The following ABHD11 variants were observed in gnomAD, a reference collection of about 807,000 sequenced individuals.
ABHD11 encodes the protein sn-1-specific diacylglycerol lipase ABHD11.
ABHD11 carries 26 observed loss-of-function variants against 29.0 expected under a neutral mutation model. That is an observed-to-expected ratio of 0.90 (90% confidence interval 0.66 to 1.24). The LOEUF (loss-of-function observed/expected upper bound fraction) is 1.24, where lower values mean the gene tolerates loss of function less well. ABHD11 is among the 50% of genes most tolerant of loss of function. ABHD11 has a pLI of 0.00. For synonymous variants in ABHD11, 169 were observed against 166.4 expected (o/e 1.02, Z -0.12); for missense variants, 381 against 422.4 (o/e 0.90, Z 0.86).
intron 1 of ABHD11, 53 bp from the exon 2 acceptor site, chr7:73,738,516 G>A (rs1361335519): frequency 1.3e-6 from 2 of 1,584,072 alleles, no homozygotes; most frequent in South Asian, 2.3e-5. Context: ...ACGGGGAAAG[G>A]GGTAGGGGGA....
At chr7:73,737,524 T>C in intron 3 of ABHD11, 38 bp downstream of exon 3, 1 of 1,573,864 alleles carries the variant, frequency 6.4e-7, no homozygotes, top group South Asian at 1.2e-5. Context: ...TCAGGGTATA[T>C]ACTGAATGGG....
chr7:73,738,431 C>A lies in ABHD11; in HGVS notation c.158G>T (p.Gly53Val). The change falls in exon 2 of 6, where the codon GGG (glycine) becomes GTG (valine). Residue 53 changes from glycine (G) to valine (V), a missense_variant. Gly to Val is a moderately radical substitution (Grantham distance 109, BLOSUM62 -3). Transcript: ENST00000222800. ...PLPLSYRLLD[G>V]EAALPAVVFL... The stretch of plus-strand genomic sequence containing the variant: ...GACGACGGCCGGGAGGGCTGCCTCC[C>A]CGTCCAGAAGCCTGTAGGAAAGCGG... The A allele has an allele frequency of 6.2e-7, 1 of 1,610,972 alleles. No homozygotes were observed. The highest frequency in any genetic ancestry group is 8.5e-7 in the Non-Finnish European group (1 of 1,178,716).
At position 73,737,093 on chromosome 7, in the gene ABHD11, C is replaced by T. The variant is rs782284150; in HGVS notation, c.624G>A (p.Gln208=). 1 of 1,613,994 alleles carries T rather than the reference C, an allele frequency of 6.2e-7. No individual in the cohort carries two copies. Residue 208 remains glutamine, a synonymous_variant, in exon 5 of 6, where the codon CAG becomes CAA. Coordinates refer to ENST00000222800, the MANE Select transcript of ABHD11 (RefSeq NM_148912.4). ...SSVIQDMAVR[Q]HLLTNLVEVD... ...CCTCTACCAGGTTAGTGAGCAGGTG[C>T]TGCCGCACGGCCATGTCCTGTGGGG...
Position 73,738,344 on chromosome 7 carries a change from T to TG in ABHD11, c.244dup (p.Gln82ProfsTer6). The TG allele has an allele frequency of 6.8e-7, 1 of 1,467,024 alleles. No homozygotes were observed. 90.9% of individuals were successfully genotyped at this position (1,467,024 alleles called of 1,614,324 possible). A position where few individuals can be genotyped will look rare whatever the true frequency, so the allele number is the denominator to read the frequency against. ...AAAGCTCACCCTACGGCCTGTCTGC[T>TG]GGGCCAAGATCTTGGCGATGGAGTT... On this transcript the variant is annotated frameshift_variant, in exon 2 of 6. Coordinates refer to ENST00000222800, the MANE Select transcript of ABHD11 (RefSeq NM_148912.4). LOFTEE classifies it high-confidence loss of function.
intron 2 of ABHD11, 52 bp from the exon 3 acceptor site, chr7:73,737,787 G>C: frequency 6.4e-7 from 1 of 1,572,594 alleles, no homozygotes; most frequent in Non-Finnish European, 8.6e-7. Context: ...TCTGGGGGTA[G>C]ACAGCCAAAG....
intron 2 of ABHD11, 48 bp downstream of exon 2, chr7:73,738,280 C>A: frequency 7.0e-7 from 1 of 1,438,080 alleles, no homozygotes; most frequent in South Asian, 1.2e-5. Context: ...TCAGGCCCCG[C>A]CCACTCCCGC....
At chr7:73,736,842 C>T (rs963151939) in intron 5 of ABHD11, 87 bp downstream of exon 5, 5 of 1,573,058 alleles carry the variant, frequency 3.2e-6, no homozygotes, top group African/African-American at 1.3e-5. Flanking sequence ...CACCCCCCTT[C>T]CACACCCAAG....
chr7:73,736,897 G>T, intron 5 of ABHD11, 32 bp downstream of exon 5: 1 of 1,604,816 alleles, frequency 6.2e-7, no homozygotes. Flanking sequence ...GGCGAGTAAA[G>T]CATGCCCCTC....
At chr7:73,738,003 C>G in intron 2 of ABHD11, 1 of 750,294 alleles carries the variant, frequency 1.3e-6, no homozygotes, top group African/African-American at 1.7e-5. Context: ...GAAGGAGACT[C>G]CAGGAATTTC....
chr7:73,736,314 A>C lies in ABHD11; in HGVS notation c.*245T>G, dbSNP rs1430904983. The C allele has an allele frequency of 5.8e-6, 3 of 516,026 alleles. No individual in the cohort carries two copies. In the African/African-American group the frequency reaches 5.9e-5, roughly 10 times the overall value. The allele number at this position is 516,026 out of a possible 1,614,324, so 32.0% of individuals were successfully genotyped here. ...GAGTGTAGTGGTGTGATCTCGGCTC[A>C]TTGCAACCTCTGCCTCCAGGGTTCA... is the stretch of plus-strand genomic sequence containing the variant. On this transcript the variant is annotated 3_prime_UTR_variant, in exon 6 of 6. Coordinates refer to ENST00000222800, the MANE Select transcript of ABHD11 (RefSeq NM_148912.4).
At chr7:73,737,947 C>T in intron 2 of ABHD11, 1 of 854,090 alleles carries the variant, frequency 1.2e-6, no homozygotes, top group Non-Finnish European at 2.0e-6. Context: ...GTGACCACGT[C>T]TCTGAAGGGC....
At position 73,737,097 on chromosome 7, in the gene ABHD11, C is replaced by T. The variant is rs143075789; in HGVS notation, c.620G>A (p.Arg207Gln). The change falls in exon 5 of 6, where the codon CGG (arginine) becomes CAG (glutamine). Residue 207 changes from arginine to glutamine, a missense_variant. Transcript: ENST00000222800. Reference sequence around the variant, plus strand: ...TACCAGGTTAGTGAGCAGGTGCTGCCGCACGGCCATGTCCTGTGGGGGTGC... The same window carrying T: ...TACCAGGTTAGTGAGCAGGTGCTGCTGCACGGCCATGTCCTGTGGGGGTGC... The part of the protein sequence containing the change: ...LSSVIQDMAV[R>Q]QHLLTNLVEV... 8 of 1,613,802 alleles carry T rather than the reference C, an allele frequency of 5.0e-6. No homozygotes were observed. The highest frequency in any genetic ancestry group is 2.7e-5 in the African/African-American group (2 of 74,912).
rs1799965637 is a variant in ABHD11 at position 73,737,082 on chromosome 7, G to A, written c.635C>T (p.Thr212Ile). The A allele has an allele frequency of 1.9e-6, 3 of 1,614,096 alleles. No homozygotes were observed. Among genetic ancestry groups the A allele is most frequent in the Non-Finnish European group, 2.5e-6 (3 of 1,180,048 alleles). The change falls in exon 5 of 6, where the codon ACT (threonine) becomes ATT (isoleucine). Residue 212 changes from threonine (T) to isoleucine (I), a missense_variant. Thr to Ile is a moderately conservative substitution (Grantham distance 89). Coordinates refer to ENST00000222800, the MANE Select transcript of ABHD11 (RefSeq NM_148912.4). ...QDMAVRQHLL[T>I]NLVEVDGRFV... ...GCGCCCGTCTACCTCTACCAGGTTA[G>A]TGAGCAGGTGCTGCCGCACGGCCAT...
intron 2 of ABHD11, 47 bp from the exon 3 acceptor site, chr7:73,737,782 G>C: frequency 6.3e-7 from 1 of 1,576,648 alleles, no homozygotes. Flanking sequence ...CCCATTCTGG[G>C]GGTAGACAGC....
rs1136954 is a variant in ABHD11 at position 73,736,364 on chromosome 7, A to C, written c.*195T>G. ...AAGTGATTCTCCTGCCTCAGCCTCC[A>C]GAGTAGCTGGGATTACAGGTGTGCA... On this transcript the variant is annotated 3_prime_UTR_variant, in exon 6 of 6. Transcript: ENST00000222800. 0.53 allele frequency: 347,059 copies of C among 651,398 alleles called. 95,216 individuals carry two copies. The highest frequency in any genetic ancestry group is 0.77 in the African/African-American group (42,332 of 54,628). 40.4% of individuals were successfully genotyped at this position (651,398 alleles called of 1,614,324 possible). A position where few individuals can be genotyped will look rare whatever the true frequency, so the allele number is the denominator to read the frequency against.
intron 5 of ABHD11, 100 bp downstream of exon 5, chr7:73,736,821 GGCCTCTCA>G (rs1294972693): frequency 1.9e-6 from 3 of 1,571,690 alleles, no homozygotes; most frequent in Non-Finnish European, 2.6e-6. Flanking sequence ...TGGTATTTCT[GGCCTCTCA>G]GCCACCCCCC....
chr7:73,736,304 A>C lies in ABHD11; in HGVS notation c.*255T>G. The C allele has an allele frequency of 2.0e-6, 1 of 511,210 alleles. No homozygotes were observed. Among genetic ancestry groups the C allele is most frequent in the Non-Finnish European group, 3.7e-6 (1 of 270,188 alleles). The allele number at this position is 511,210 out of a possible 1,614,324, so 31.7% of individuals were successfully genotyped here. ...GCCTAGGCTGGAGTGTAGTGGTGTGATCTCGGCTCATTGCAACCTCTGCCT... is the reference window on the plus strand; with the variant it reads ...GCCTAGGCTGGAGTGTAGTGGTGTGCTCTCGGCTCATTGCAACCTCTGCCT... On this transcript the variant is annotated 3_prime_UTR_variant, in exon 6 of 6. Coordinates refer to ENST00000222800, the MANE Select transcript of ABHD11 (RefSeq NM_148912.4).
chr7:73,736,838 C>T (rs180872593), intron 5 of ABHD11, 91 bp downstream of exon 5: 19 of 1,571,946 alleles, frequency 1.2e-5, no homozygotes, highest in Non-Finnish European at 1.4e-5. Context: ...CAGCCACCCC[C>T]CTTCCACACC....
intron 4 of ABHD11, 45 bp downstream of exon 4, chr7:73,737,176 A>G (rs781831399): frequency 6.2e-7 from 1 of 1,613,796 alleles, no homozygotes. Flanking sequence ...TTCCCTTGAC[A>G]GGTCCTGGTC....
Sources: gnomAD v4.1 joint callset for allele counts on GRCh38, gnomAD v4.1.1 for gene constraint, MANE v1.5 for transcripts, NCBI Gene and HGNC (gene_info 2026-07-23, HGNC 2026-07-21) for gene names.